The following DLGAP1 variants were observed in gnomAD, a reference collection of about 807,000 sequenced individuals.
The protein encoded by DLGAP1 is DLG associated protein 1.
A neutral mutation model predicts 90.8 loss-of-function variants in DLGAP1; 11 were observed. The ratio of observed to expected loss-of-function variants is 0.12; its 90% CI spans 0.08 to 0.20. DLGAP1 has a LOEUF of 0.20. Ranked by LOEUF, DLGAP1 falls within the 10% of genes least tolerant of loss-of-function variation. The pLI is 1.00. For missense variants in DLGAP1, 1,050 were observed against 1,333.8 expected, an observed-to-expected ratio of 0.79 and a Z score of 3.31; for synonymous variants, 558 against 540.7, an observed-to-expected ratio of 1.03 and a Z score of -0.44.
intron 1 of DLGAP1, among the ~76,000 whole-genome samples, chr18:4,388,473 C>T (rs2082279700): frequency 6.6e-6 from 1 of 152,032 alleles, no homozygotes; most frequent in Admixed American, 6.6e-5. Flanking sequence ...GCCATTGGAG[C>T]TGCGGGAAAG....
chr18:3,673,330 T>C (rs2146776425), intron 7 of DLGAP1, among the ~76,000 whole-genome samples: 1 of 152,320 alleles, frequency 6.6e-6, no homozygotes, highest in East Asian at 1.9e-4. Context: ...CCTTACTGGA[T>C]GGCATTGTAA....
chr18:3,506,530 A>G, intron 11 of DLGAP1, among the ~76,000 whole-genome samples: 1 of 150,806 alleles, frequency 6.6e-6, no homozygotes, highest in Admixed American at 6.6e-5. Context: ...AAAAAAAAAA[A>G]AAAAAAAGTG....
chr18:4,121,337 A>G (rs1273651968), intron 2 of DLGAP1, among the ~76,000 whole-genome samples: 1 of 152,070 alleles, frequency 6.6e-6, no homozygotes, highest in Admixed American at 6.5e-5. Flanking sequence ...TGAAGGGACA[A>G]AGCATCTTTG....
At chr18:4,068,578 G>A (rs1023564247) in intron 2 of DLGAP1, among the ~76,000 whole-genome samples, 2 of 151,814 alleles carry the variant, frequency 1.3e-5, no homozygotes, top group Admixed American at 1.3e-4. Context: ...CATTTTTAAC[G>A]CATAAAATAT....
At chr18:4,112,821 C>T (rs2075997379) in intron 2 of DLGAP1, among the ~76,000 whole-genome samples, 1 of 152,086 alleles carries the variant, frequency 6.6e-6, no homozygotes, top group Non-Finnish European at 1.5e-5. Flanking sequence ...CATGTGTATC[C>T]AATATTTAGC....
chr18:3,575,935 G>A (rs16945066), intron 8 of DLGAP1, among the ~76,000 whole-genome samples: 82,006 of 152,028 alleles, frequency 0.54, 22,766 homozygotes, highest in East Asian at 0.82. Flanking sequence ...AATCAAGACT[G>A]CACACGGATC....
chr18:3,856,865 C>T (rs1341412093), intron 4 of DLGAP1, among the ~76,000 whole-genome samples: 1 of 137,776 alleles, frequency 7.3e-6, no homozygotes. Flanking sequence ...CGTCCCCCTC[C>T]AAAAAAAAAA....
chr18:4,354,886 C>T (rs2081473390), intron 1 of DLGAP1, among the ~76,000 whole-genome samples: 2 of 42,938 alleles, frequency 4.7e-5, no homozygotes, highest in Non-Finnish European at 8.5e-5. Context: ...ATTACTCTCA[C>T]CAAAAAAAAA....
chr18:4,046,560 T>C (rs2075057224), intron 2 of DLGAP1, among the ~76,000 whole-genome samples: 1 of 152,270 alleles, frequency 6.6e-6, no homozygotes, highest in Non-Finnish European at 1.5e-5. Flanking sequence ...AGTGTTAGAA[T>C]ATAGGTCTGT....
chr18:4,295,517 C>T (rs2079958697), intron 1 of DLGAP1: 1 of 151,970 alleles, frequency 6.6e-6, no homozygotes, highest in Admixed American at 6.6e-5. Flanking sequence ...ATAGATTAAC[C>T]AAAAGTTTAA....
At chr18:3,641,707 A>G (rs1168207426) in intron 7 of DLGAP1, among the ~76,000 whole-genome samples, 1 of 151,924 alleles carries the variant, frequency 6.6e-6, no homozygotes, top group Admixed American at 6.6e-5. Context: ...ATTTCACTCT[A>G]CAGTTTGAAA....
At chr18:4,254,958 G>C (rs1784220903) in intron 1 of DLGAP1, among the ~76,000 whole-genome samples, 1 of 152,200 alleles carries the variant, frequency 6.6e-6, no homozygotes. Flanking sequence ...CGTAATCTAG[G>C]AAGACACGCT....
chr18:3,877,902 G>A lies in DLGAP1; in HGVS notation c.957+1210C>T, dbSNP rs370483164. ...AGTACTGACCACATAATTGTGTGTC[G>A]TGTATGAAAACTGTCCATGTGCTGG... is the stretch of plus-strand genomic sequence containing the variant. On this transcript the variant is annotated intron_variant, in intron 4 of 12. Coordinates refer to ENST00000315677, the MANE Select transcript of DLGAP1 (RefSeq NM_004746.4). Among the ~76,000 whole-genome samples the A allele has an allele frequency of 8.5e-5, 13 of 152,282 alleles. No homozygotes were observed. The East Asian group carries it at 2.1e-3, about 25-fold the overall frequency.
At chr18:4,165,119 C>T (rs117793138) in intron 1 of DLGAP1, among the ~76,000 whole-genome samples, 356 of 152,194 alleles carry the variant, frequency 2.3e-3, no homozygotes, top group Non-Finnish European at 3.7e-3. Context: ...TGGTGAAATA[C>T]ACATATTCAC....
chr18:4,411,786 G>A (rs1438766106), intron 1 of DLGAP1, among the ~76,000 whole-genome samples: 1 of 152,074 alleles, frequency 6.6e-6, no homozygotes, highest in Non-Finnish European at 1.5e-5. Context: ...TCCTTCATGT[G>A]ACCTCTTCAT....
At chr18:4,224,256 C>T (rs919121388) in intron 1 of DLGAP1, among the ~76,000 whole-genome samples, 5 of 152,220 alleles carry the variant, frequency 3.3e-5, no homozygotes, top group African/African-American at 9.6e-5. Context: ...GATGTGCTGA[C>T]TTCAGGTGTG....
At chr18:4,306,062 A>T (rs1843210468) in intron 1 of DLGAP1, among the ~76,000 whole-genome samples, 1 of 127,652 alleles carries the variant, frequency 7.8e-6, no homozygotes. Context: ...ACACACACAC[A>T]CACGGGGGAG....
chr18:3,663,521 G>A (rs1398784947), intron 7 of DLGAP1, among the ~76,000 whole-genome samples: 1 of 152,166 alleles, frequency 6.6e-6, no homozygotes, highest in Non-Finnish European at 1.5e-5. Flanking sequence ...TGAAGGAAAA[G>A]ATGCTCTGCC....
chr18:3,935,899 T>C (rs181954287), intron 3 of DLGAP1, among the ~76,000 whole-genome samples: 74 of 152,318 alleles, frequency 4.9e-4, no homozygotes, highest in Non-Finnish European at 1.2e-4. Context: ...GACTGTCTTT[T>C]ATCACAGCAA....
Sources: gnomAD v4.1 joint callset for allele counts (sites outside exome capture counted in the v4.1 genomes callset) on GRCh38, gnomAD v4.1.1 for gene constraint, MANE v1.5 for transcripts, NCBI Gene and HGNC (gene_info 2026-07-23, HGNC 2026-07-21) for gene names.